HDGFL2: variants seen among roughly 807,000 people sequenced by gnomAD.
The protein encoded by HDGFL2 is HDGF like 2.
Under a neutral mutation model 77.1 loss-of-function variants are expected in HDGFL2, and 36 were observed. That is an observed-to-expected ratio of 0.47 (90% CI 0.36 to 0.62). The LOEUF (loss-of-function observed/expected upper bound fraction) is 0.62. HDGFL2 is among the 20% of genes least tolerant of loss of function. HDGFL2 has a pLI of 0.00. For missense variants in HDGFL2, 976 were observed against 973.4 expected, an observed-to-expected ratio of 1.00 and a Z score of -0.04; for synonymous variants, 463 against 413.1, an observed-to-expected ratio of 1.12 and a Z score of -1.46.
At chr19:4,479,984 C>T (rs552033067) in intron 3 of HDGFL2, among the ~76,000 whole-genome samples, 3 of 150,864 alleles carry the variant, frequency 2.0e-5, no homozygotes, top group African/African-American at 4.9e-5. Context: ...ACCCAGGCCA[C>T]GGTTTCTCAG....
intron 3 of HDGFL2, among the ~76,000 whole-genome samples, chr19:4,479,400 G>A (rs1281131792): frequency 6.6e-6 from 1 of 150,496 alleles, no homozygotes; most frequent in Non-Finnish European, 1.5e-5. Flanking sequence ...TGGCTAACTT[G>A]GTGAAACCCT....
chr19:4,501,166 C>T, intron 14 of HDGFL2, 25 bp from the exon 15 acceptor site: 1 of 1,612,584 alleles, frequency 6.2e-7, no homozygotes, highest in Non-Finnish European at 8.5e-7. Context: ...CCAGCAGTGT[C>T]CTGTGACCCC....
chr19:4,483,238 C>T (rs960863759), intron 3 of HDGFL2, among the ~76,000 whole-genome samples: 5 of 152,208 alleles, frequency 3.3e-5, no homozygotes, highest in Non-Finnish European at 7.3e-5. Flanking sequence ...CGAGCGGTGA[C>T]GCTTCACCAC....
rs562193322 is a variant in HDGFL2 at position 4,493,832 on chromosome 19, G to A, written c.808G>A (p.Val270Met). The A allele has an allele frequency of 4.0e-5, 61 of 1,526,400 alleles. No homozygotes were observed. Among genetic ancestry groups the A allele is most frequent in the Non-Finnish European group, 5.0e-5 (57 of 1,132,872 alleles). 94.6% of individuals were successfully genotyped at this position (1,526,400 alleles called of 1,614,324 possible). A position where few individuals can be genotyped will look rare whatever the true frequency, so the allele number is the denominator to read the frequency against. Residue 270 changes from valine to methionine, a missense_variant, in exon 7 of 16, where the codon GTG (valine) becomes ATG (methionine). This residue lies in a region of HDGFL2 where 567 missense variants were observed against 534.7 expected (regional missense o/e 1.06). Transcript: ENST00000616600. ...SSSSSDSDVS[V>M]KKPPRGRKPA... ...CTCCTCCTCCGACTCCGATGTGTCT[G>A]TGAAGAAGCCTCCGAGGGGCAGGAA... is the stretch of plus-strand genomic sequence containing the variant.
intron 12 of HDGFL2, 57 bp from the exon 13 acceptor site, chr19:4,498,757 G>A: frequency 8.2e-7 from 1 of 1,225,086 alleles, no homozygotes; most frequent in Non-Finnish European, 1.2e-6. Context: ...CGGGGCCCTG[G>A]GACCCCTGGG....
intron 6 of HDGFL2, among the ~76,000 whole-genome samples, chr19:4,492,461 CTG>C (rs201329987): frequency 0.079 from 11,953 of 151,404 alleles, 520 homozygotes; most frequent in African/African-American, 0.12. Flanking sequence ...TATGTGGTGC[CTG>C]TGTGTGTGCC....
chr19:4,486,924 C>T (rs1322761434), intron 3 of HDGFL2, among the ~76,000 whole-genome samples: 5 of 152,104 alleles, frequency 3.3e-5, no homozygotes, highest in Non-Finnish European at 5.9e-5. Context: ...TCACATCCTC[C>T]GAGGGGCCTC....
chr19:4,474,759 GCTGTTAGTCTCCT>G (rs1431080198), intron 1 of HDGFL2: 3 of 155,994 alleles, frequency 1.9e-5, no homozygotes, highest in African/African-American at 7.2e-5. Context: ...AAGTGAAGGG[GCTGTTAGTCTCCT>G]GTGGGGAGGT....
chr19:4,500,405 C>T (rs1335275102), intron 14 of HDGFL2, among the ~76,000 whole-genome samples: 3 of 151,052 alleles, frequency 2.0e-5, no homozygotes, highest in Non-Finnish European at 4.4e-5. Context: ...TCCACCTCAG[C>T]CTCCTGAGGA....
Position 4,499,026 on chromosome 19 carries a change from C to T in HDGFL2, c.1575+111C>T, listed in dbSNP as rs67274054. 242,323 of 725,430 alleles carry T rather than the reference C, an allele frequency of 0.33. 42,266 individuals carry two copies. Among genetic ancestry groups the T allele is most frequent in the East Asian group, 0.58 (20,246 of 35,156 alleles). 44.9% of individuals were successfully genotyped at this position (725,430 alleles called of 1,614,324 possible). ...TCCTGTCGGGACAGCCCTGGGTCAGCGAGGAGGCCGTGGGCTGCTGGGTAG... is the reference window on the plus strand; with the variant it reads ...TCCTGTCGGGACAGCCCTGGGTCAGTGAGGAGGCCGTGGGCTGCTGGGTAG... On this transcript the variant is annotated intron_variant, in intron 13 of 15. Transcript: ENST00000616600.
At chr19:4,483,513 A>T (rs896671893) in intron 3 of HDGFL2, among the ~76,000 whole-genome samples, 1 of 151,996 alleles carries the variant, frequency 6.6e-6, no homozygotes, top group African/African-American at 2.4e-5. Context: ...TTCTACTCAG[A>T]CGCTGGCCTC....
chr19:4,491,261 A>G (rs1044785258), intron 4 of HDGFL2, among the ~76,000 whole-genome samples: 2 of 22,736 alleles, frequency 8.8e-5, no homozygotes, highest in South Asian at 3.2e-3. Context: ...CCACCCCCCC[A>G]CCCCCCCACC....
At chr19:4,490,509 T>G (rs1187583325) in intron 4 of HDGFL2, among the ~76,000 whole-genome samples, 1 of 152,244 alleles carries the variant, frequency 6.6e-6, no homozygotes. Context: ...CAGGCTGCCG[T>G]GAACGTTTCT....
At chr19:4,493,620 T>C (rs1599718422) in intron 6 of HDGFL2, 83 bp from the exon 7 acceptor site, 61 of 1,313,426 alleles carry the variant, frequency 4.6e-5, no homozygotes, top group Non-Finnish European at 6.0e-5. Context: ...GCTGCAGGGG[T>C]GCGGGAGCCT....
chr19:4,474,657 C>T (rs187023482), intron 1 of HDGFL2, among the ~76,000 whole-genome samples: 2 of 152,226 alleles, frequency 1.3e-5, no homozygotes, highest in Admixed American at 1.3e-4. Flanking sequence ...TTTCCCAGCT[C>T]TCTTCTTCCC....
At chr19:4,492,874 G>GTTATCT (rs1975562937) in intron 6 of HDGFL2, among the ~76,000 whole-genome samples, 14 of 133,740 alleles carry the variant, frequency 1.0e-4, no homozygotes, top group African/African-American at 2.4e-4. Flanking sequence ...TGGTGTGTGT[G>GTTATCT]GTGTGGTGTG....
In HDGFL2 at chr19:4,488,869, C is replaced by T. The variant is rs929021681; in HGVS notation, c.482C>T (p.Ala161Val). 9.7e-6 allele frequency: 15 copies of T among 1,550,954 alleles called. No homozygotes were observed. The highest frequency in any genetic ancestry group is 6.8e-5 in the African/African-American group (5 of 73,038). ...AGTGGCCTGAAGAGGAAGACGCCTGCGCTAAAGGTAGGGGAGGACCAAGGT... is the reference window on the plus strand; with the variant it reads ...AGTGGCCTGAAGAGGAAGACGCCTGTGCTAAAGGTAGGGGAGGACCAAGGT... ...DNSGLKRKTPALKMSVSKRAR... is the reference protein window; with the variant it reads ...DNSGLKRKTPVLKMSVSKRAR... Residue 161 changes from alanine (A) to valine (V), a missense_variant, in exon 4 of 16, where the codon GCG becomes GTG. Physicochemically the swap from Ala to Val is moderately conservative, Grantham distance 64. This residue lies in a region of HDGFL2 where 567 missense variants were observed against 534.7 expected (regional missense o/e 1.06). Coordinates refer to ENST00000616600, the MANE Select transcript of HDGFL2 (RefSeq NM_001001520.3).
In HDGFL2 at chr19:4,502,119, A is replaced by G; in HGVS notation, c.*109A>G. 1.2e-6 allele frequency: 1 copy of G among 817,580 alleles called. No homozygotes were observed. The highest frequency in any genetic ancestry group is 2.0e-6 in the Non-Finnish European group (1 of 493,394). 50.6% of individuals were successfully genotyped at this position (817,580 alleles called of 1,614,324 possible). A position where few individuals can be genotyped will look rare whatever the true frequency, so the allele number is the denominator to read the frequency against. On this transcript the variant is annotated 3_prime_UTR_variant, in exon 16 of 16. Transcript: ENST00000616600. ...CTGTGGGGAACGCTGTGCTGTTTGT[A>G]TTTGTTCCCTTGGGTTTTTTTTTCC...
intron 3 of HDGFL2, among the ~76,000 whole-genome samples, chr19:4,487,493 G>C (rs1383715003): frequency 1.3e-5 from 2 of 152,088 alleles, no homozygotes; most frequent in African/African-American, 4.8e-5. Flanking sequence ...CTGGGCTCAA[G>C]TGATCCTTCT....
Sources: allele counts gnomAD v4.1 joint callset (sites outside exome capture counted in the v4.1 genomes callset), GRCh38; gene constraint gnomAD v4.1.1; regional missense constraint gnomAD v4.1.1; transcripts MANE v1.5; gene names NCBI Gene and HGNC (gene_info 2026-07-23, HGNC 2026-07-21).